Variants in MEAF6 observed in about 807,000 individuals in gnomAD.
MEAF6 encodes MYST/Esa1 associated factor 6, also known as chromatin modification-related protein MEAF6.
A neutral mutation model predicts 28.9 loss-of-function variants in MEAF6; 15 were observed. The ratio of observed to expected loss-of-function variants is 0.52; its 90% CI spans 0.35 to 0.80. MEAF6 has a LOEUF of 0.80. MEAF6 is among the 30% of genes least tolerant of loss of function. The probability of loss-of-function intolerance (pLI) is 0.01; values close to 1 mark genes in which losing one functional copy is unlikely to be tolerated. For synonymous variants in MEAF6, 97 were observed against 88.7 expected (o/e 1.09, Z -0.53); for missense variants, 178 against 237.5 (o/e 0.75, Z 1.65).
In MEAF6 at chr1:37,493,756, T is replaced by G; in HGVS notation, c.*343A>C. The G allele has an allele frequency of 1.3e-6, 2 of 1,546,284 alleles. No homozygotes were observed. Among genetic ancestry groups the G allele is most frequent in the Non-Finnish European group, 1.7e-6 (2 of 1,143,532 alleles). On this transcript the variant is annotated 3_prime_UTR_variant, in exon 7 of 7. Transcript: ENST00000296214. ...AGCATAAAACAAAACCAGAGAACAT[T>G]TCTTGAAGGGTATCACAGATGAAGC...
At chr1:37,507,819 C>T (rs1470130035) in intron 4 of MEAF6, among the ~76,000 whole-genome samples, 54 of 148,604 alleles carry the variant, frequency 3.6e-4, no homozygotes, top group East Asian at 2.0e-4. Flanking sequence ...AGCGAGACTC[C>T]GTCTTAAAAA....
At chr1:37,508,046 C>G (rs1002836183) in intron 4 of MEAF6, among the ~76,000 whole-genome samples, 1 of 152,008 alleles carries the variant, frequency 6.6e-6, no homozygotes, top group African/African-American at 2.4e-5. Flanking sequence ...ATACCGAGAA[C>G]AGGTCGTATT....
rs757928506 is a variant in MEAF6, at chr1:37,490,920, G to A, written c.*3179C>T. Among the ~76,000 whole-genome samples, 52 of 152,160 alleles carry A rather than the reference G, an allele frequency of 3.4e-4. No individual in the cohort carries two copies. The highest frequency in any genetic ancestry group is 6.3e-4 in the African/African-American group (26 of 41,430). On this transcript the variant is annotated 3_prime_UTR_variant, in exon 7 of 7. Coordinates refer to ENST00000296214, the MANE Select transcript of MEAF6 (RefSeq NM_001270875.3). Reference sequence around the variant, plus strand: ...CACGCGCCTGTAGTCTCAGCTACTCGAGAGGCTGAGGCGGAATAATTGCTT... The same window carrying A: ...CACGCGCCTGTAGTCTCAGCTACTCAAGAGGCTGAGGCGGAATAATTGCTT...
rs1290966953 is a variant in MEAF6, at chr1:37,513,992, G to A, written c.91-454C>T. ...TGCCAGTTGCTATGGAAACCTAGAA[G>A]GGCAGCTTCAGGTGAGAGGGGCCTC... On this transcript the variant is annotated intron_variant, in intron 1 of 6. Coordinates refer to ENST00000296214, the MANE Select transcript of MEAF6 (RefSeq NM_001270875.3). The A allele has an allele frequency of 3.2e-5, 6 of 184,920 alleles. No individual in the cohort carries two copies. In the East Asian group the frequency reaches 8.6e-4, roughly 26 times the overall value. 11.5% of individuals were successfully genotyped at this position (184,920 alleles called of 1,614,324 possible). A position where few individuals can be genotyped will look rare whatever the true frequency, so the allele number is the denominator to read the frequency against.
chr1:37,498,315 CA>C (rs1642185096), intron 5 of MEAF6, among the ~76,000 whole-genome samples: 2 of 151,934 alleles, frequency 1.3e-5, no homozygotes, highest in African/African-American at 4.8e-5. Context: ...GTTCACAAAT[CA>C]AAATAGACTG....
chr1:37,503,474 G>A (rs1404134819), intron 4 of MEAF6, among the ~76,000 whole-genome samples: 1 of 151,882 alleles, frequency 6.6e-6, no homozygotes, highest in Non-Finnish European at 1.5e-5. Flanking sequence ...AACACAGCCA[G>A]ACCCTCATCT....
chr1:37,514,027 C>G (rs1642752343), intron 1 of MEAF6: 1 of 176,890 alleles, frequency 5.7e-6, no homozygotes, highest in Admixed American at 5.6e-5. Flanking sequence ...CCCGGGTGCC[C>G]AAGCCGAGAC....
chr1:37,505,970 A>T (rs1338478975), intron 4 of MEAF6, among the ~76,000 whole-genome samples: 13 of 152,210 alleles, frequency 8.5e-5, no homozygotes. Flanking sequence ...TAAGAGCTAA[A>T]ACTAAAAATC....
At chr1:37,496,111 C>A (rs1375740891) in intron 5 of MEAF6, among the ~76,000 whole-genome samples, 193 bp from the exon 6 acceptor site, 3 of 152,176 alleles carry the variant, frequency 2.0e-5, no homozygotes, top group Non-Finnish European at 4.4e-5. Flanking sequence ...TATGAGCACA[C>A]ATTTTTGCCC....
At chr1:37,512,893 T>C (rs191634935) in intron 2 of MEAF6, among the ~76,000 whole-genome samples, 58 of 151,262 alleles carry the variant, frequency 3.8e-4, no homozygotes, top group African/African-American at 1.2e-3. Context: ...CCCTGTCTCT[T>C]AGAAAAAAGA....
At chr1:37,502,746 T>A (rs61778057) in intron 4 of MEAF6, among the ~76,000 whole-genome samples, 14,943 of 151,650 alleles carry the variant, frequency 0.099, 1,022 homozygotes, top group Middle Eastern at 0.17. Flanking sequence ...GCCTCCCAAG[T>A]AGCTGGGACT....
At chr1:37,508,727 CT>C (rs1642568027) in intron 4 of MEAF6, among the ~76,000 whole-genome samples, 2 of 152,244 alleles carry the variant, frequency 1.3e-5, no homozygotes, top group South Asian at 4.2e-4. Context: ...ATATCTTTGT[CT>C]CTTTGAGATG....
chr1:37,507,004 G>A (rs1287315903), intron 4 of MEAF6, among the ~76,000 whole-genome samples: 2 of 152,180 alleles, frequency 1.3e-5, no homozygotes, highest in African/African-American at 4.8e-5. Context: ...CTAAGCCAGG[G>A]CAAGATTACA....
Position 37,497,576 on chromosome 1 carries a change from G to GTATTTATTTATT in MEAF6, c.534-1670_534-1659dup, listed in dbSNP as rs58313664. Reference sequence around the variant, plus strand: ...AGAAACACAAAAGTCTGCAGCACCCGTATTTATTTATTTATTTATTTATTT... The same window carrying GTATTTATTTATT: ...AGAAACACAAAAGTCTGCAGCACCCGTATTTATTTATTTATTTATTTATTTATTTATTTATTT... On this transcript the variant is annotated intron_variant, in intron 5 of 6. Transcript: ENST00000296214. 2.5e-3 allele frequency among the ~76,000 whole-genome samples: 376 copies of GTATTTATTTATT among 149,832 alleles called. 3 individuals are homozygous for GTATTTATTTATT. Among genetic ancestry groups the GTATTTATTTATT allele is most frequent in the South Asian group, 7.2e-3 (34 of 4,726 alleles).
intron 2 of MEAF6, among the ~76,000 whole-genome samples, chr1:37,512,331 A>G (rs974176290): frequency 6.6e-6 from 1 of 152,228 alleles, no homozygotes; most frequent in South Asian, 2.1e-4. Flanking sequence ...CCAACTCCCT[A>G]TGAATCTATA....
At chr1:37,504,772 C>CAAAA (rs1207977254) in intron 4 of MEAF6, among the ~76,000 whole-genome samples, 1 of 42,160 alleles carries the variant, frequency 2.4e-5, no homozygotes, top group African/African-American at 8.2e-5. Context: ...GACTCCATCT[C>CAAAA]AAAAAAAAAA....
chr1:37,492,060 G>C lies in MEAF6; in HGVS notation c.*2039C>G, dbSNP rs916720755. ...TTTTTTTTTTTTGAGATGGAGTCTCGCTCTGTCGCCCAGGCTGGAGTGCAG... is the reference window on the plus strand; with the variant it reads ...TTTTTTTTTTTTGAGATGGAGTCTCCCTCTGTCGCCCAGGCTGGAGTGCAG... On this transcript the variant is annotated 3_prime_UTR_variant, in exon 7 of 7. Transcript: ENST00000296214. Among the ~76,000 whole-genome samples, 1 of 150,012 alleles carries C rather than the reference G, an allele frequency of 6.7e-6. No individual in the cohort carries two copies. Among genetic ancestry groups the C allele is most frequent in the Non-Finnish European group, 1.5e-5 (1 of 67,774 alleles).
At chr1:37,514,051 G>A (rs1480287051) in intron 1 of MEAF6, 5 of 174,916 alleles carry the variant, frequency 2.9e-5, no homozygotes, top group Non-Finnish European at 4.9e-5. Context: ...GGGGCAGGAA[G>A]AGCTTAGCCA....
chr1:37,511,138 G>A (rs1642655938), intron 2 of MEAF6, among the ~76,000 whole-genome samples: 1 of 151,880 alleles, frequency 6.6e-6, no homozygotes. Context: ...TTCCTTAGAG[G>A]AATGGCTGAT....
Sources: gnomAD v4.1 joint callset for allele counts (sites outside exome capture counted in the v4.1 genomes callset) on GRCh38, gnomAD v4.1.1 for gene constraint, MANE v1.5 for transcripts, NCBI Gene and HGNC (gene_info 2026-07-23, HGNC 2026-07-21) for gene names.